The following PPP1R15B variants were observed in gnomAD, a reference collection of about 807,000 sequenced individuals.
The protein encoded by PPP1R15B is protein phosphatase 1 regulatory subunit 15B.
A neutral mutation model predicts 53.9 loss-of-function variants in PPP1R15B; 31 were observed. The observed-to-expected ratio is 0.58, with a 90% CI of 0.43 to 0.78. The LOEUF is 0.78. PPP1R15B is among the 30% of genes least tolerant of loss of function. The pLI is 0.00. For synonymous variants in PPP1R15B, 345 were observed against 329.1 expected (o/e 1.05, Z -0.52); for missense variants, 928 against 849.6 (o/e 1.09, Z -1.15).
In PPP1R15B at chr1:204,405,865, A is replaced by C. The variant is rs997022572; in HGVS notation, c.*227T>G. 5 of 1,288,478 alleles carry C rather than the reference A, an allele frequency of 3.9e-6. No homozygotes were observed. Among genetic ancestry groups the C allele is most frequent in the Non-Finnish European group, 4.9e-6 (5 of 1,015,306 alleles). 79.8% of individuals were successfully genotyped at this position (1,288,478 alleles called of 1,614,324 possible). On this transcript the variant is annotated 3_prime_UTR_variant, in exon 2 of 2. Coordinates refer to ENST00000367188, the MANE Select transcript of PPP1R15B (RefSeq NM_032833.5). The stretch of plus-strand genomic sequence containing the variant: ...TTAAAAGCACATCCAACTAAATCAA[A>C]AAAGGGAGGATTAGAAATCACACTA...
rs1393162869 is a variant in PPP1R15B at position 204,411,283 on chromosome 1, T to C, written c.129A>G (p.Glu43=). Residue 43 remains glutamate, a synonymous_variant, in exon 1 of 2, where the codon GAA becomes GAG. Coordinates refer to ENST00000367188, the MANE Select transcript of PPP1R15B (RefSeq NM_032833.5). Reference sequence around the variant, plus strand: ...AAAGCAGTGTGGGGTTCCCGGAGTTTTCCGGGCCAAGAGGCGTCGGGAACT... The same window carrying C: ...AAAGCAGTGTGGGGTTCCCGGAGTTCTCCGGGCCAAGAGGCGTCGGGAACT... ...SSKFPTPLGP[E]NSGNPTLLSS... 8 of 1,614,092 alleles carry C rather than the reference T, an allele frequency of 5.0e-6. No individual in the cohort carries two copies. The highest frequency in any genetic ancestry group is 1.7e-5 in the Admixed American group (1 of 60,008).
At position 204,405,567 on chromosome 1, in the gene PPP1R15B, A is replaced by G. The variant is rs996989931; in HGVS notation, c.*525T>C. ...ACAAAATAATGCACTTTAAGTTGGT[A>G]GCATACACAAGGTTATTTTTTAGCC... On this transcript the variant is annotated 3_prime_UTR_variant, in exon 2 of 2. Transcript: ENST00000367188. 3.2e-5 allele frequency: 31 copies of G among 980,036 alleles called. No individual in the cohort carries two copies. In the African/African-American group the frequency reaches 4.9e-4, roughly 16 times the overall value. The allele number at this position is 980,036 out of a possible 1,614,324, so 60.7% of individuals were successfully genotyped here.
At position 204,411,418 on chromosome 1, in the gene PPP1R15B, T is replaced by G. The variant is rs376632302; in HGVS notation, c.-7A>C. 7.5e-5 allele frequency: 121 copies of G among 1,609,568 alleles called. No individual in the cohort carries two copies. In the African/African-American group the frequency reaches 1.2e-3, roughly 16 times the overall value. On this transcript the variant is annotated 5_prime_UTR_variant, in exon 1 of 2. Coordinates refer to ENST00000367188, the MANE Select transcript of PPP1R15B (RefSeq NM_032833.5). ...CGCCTGTCCCCGGCTCCATCTCCTT[T>G]TTCTTGACAGTCTCTCAGGTAGGGC... is the stretch of plus-strand genomic sequence containing the variant.
downstream of PPP1R15B, among the ~76,000 whole-genome samples, chr1:204,398,762 C>A (rs750147887): frequency 3.9e-5 from 6 of 152,128 alleles, no homozygotes; most frequent in Non-Finnish European, 7.3e-5. Context: ...CACTAGAAAC[C>A]CAAAGCCAAT....
At chr1:204,402,085 G>A (rs550559044), downstream of PPP1R15B, among the ~76,000 whole-genome samples, 2 of 152,210 alleles carry the variant, frequency 1.3e-5, no homozygotes, top group South Asian at 4.1e-4. Flanking sequence ...ATATATTACT[G>A]GGGAATGGCA....
Position 204,410,983 on chromosome 1 carries a change from T to C in PPP1R15B, c.429A>G (p.Leu143=), listed in dbSNP as rs758184869. ...AGTATTGCCAGTGGATCCCCTCCTC[T>C]AGCCAATCAAGGGGACTGGTGACCG... ...DPSVTSPLDW[L]EEGIHWQYSP... The change falls in exon 1 of 2, where the codon CTA becomes CTG. Residue 143 remains leucine, a synonymous_variant. Transcript: ENST00000367188. The C allele has an allele frequency of 1.2e-6, 2 of 1,614,144 alleles. No individual in the cohort carries two copies. The highest frequency in any genetic ancestry group is 1.7e-6 in the Non-Finnish European group (2 of 1,180,008).
downstream of PPP1R15B, among the ~76,000 whole-genome samples, chr1:204,400,130 G>C (rs546400012): frequency 1.3e-5 from 2 of 151,528 alleles, no homozygotes; most frequent in Non-Finnish European, 2.9e-5. Flanking sequence ...CCAGCTACTC[G>C]AGAGGCTGAG....
In PPP1R15B at chr1:204,407,253, T is replaced by C. The variant is rs897002728; in HGVS notation, c.1921-940A>G. ...ATACAGAAGAGAAAAAGTTACTTAG[T>C]AAACAAAGTATAGCAAAATTAGTAT... On this transcript the variant is annotated intron_variant, in intron 1 of 1. Coordinates refer to ENST00000367188, the MANE Select transcript of PPP1R15B (RefSeq NM_032833.5). Among the ~76,000 whole-genome samples, 3 of 152,314 alleles carry C rather than the reference T, an allele frequency of 2.0e-5. 1 individual carries two copies. In the Middle Eastern group the frequency reaches 0.01, roughly 518 times the overall value.
rs529191707 is a variant in PPP1R15B, at chr1:204,409,365, A to G, written c.1920+127T>C. 15 of 1,012,650 alleles carry G rather than the reference A, an allele frequency of 1.5e-5. No individual in the cohort carries two copies. In the African/African-American group the frequency reaches 2.1e-4, roughly 14 times the overall value. The allele number at this position is 1,012,650 out of a possible 1,614,324, so 62.7% of individuals were successfully genotyped here. On this transcript the variant is annotated intron_variant, in intron 1 of 1. Transcript: ENST00000367188. ...GGTCATTTACATATTTCTCAATCCA[A>G]GTATATGAATTTAGAGGCCTTCCTC...
At position 204,410,983 on chromosome 1, in the gene PPP1R15B, T is replaced by G; in HGVS notation, c.429A>C (p.Leu143=). The G allele has an allele frequency of 6.2e-7, 1 of 1,614,144 alleles. No individual in the cohort carries two copies. Among genetic ancestry groups the G allele is most frequent in the Non-Finnish European group, 8.5e-7 (1 of 1,180,008 alleles). Residue 143 remains leucine (L), a synonymous_variant, in exon 1 of 2, where the codon CTA becomes CTC. Transcript: ENST00000367188. ...AGTATTGCCAGTGGATCCCCTCCTC[T>G]AGCCAATCAAGGGGACTGGTGACCG... ...DPSVTSPLDW[L]EEGIHWQYSP...
At position 204,410,126 on chromosome 1, in the gene PPP1R15B, A is replaced by C; in HGVS notation, c.1286T>G (p.Ile429Ser). 1.2e-6 allele frequency: 2 copies of C among 1,613,982 alleles called. No homozygotes were observed. The highest frequency in any genetic ancestry group is 1.7e-6 in the Non-Finnish European group (2 of 1,180,008). Residue 429 changes from isoleucine to serine, a missense_variant, in exon 1 of 2, where the codon ATT becomes AGT. Ile to Ser is a moderately radical substitution (Grantham distance 142, BLOSUM62 -2). Transcript: ENST00000367188. ...CAGGTCACTGGATGCACCTCCCAAA[A>C]TATAATCTATCAGTTTGTTACTACA... ...PACSNKLIDY[I>S]LGGASSDLET...
At chr1:204,397,354 T>C (rs949188289), downstream of PPP1R15B, among the ~76,000 whole-genome samples, 14 of 151,984 alleles carry the variant, frequency 9.2e-5, no homozygotes, top group African/African-American at 3.4e-4. Flanking sequence ...GGGTGAAACC[T>C]GTCTCTACTA....
chr1:204,407,505 A>T (rs1279694828), intron 1 of PPP1R15B, among the ~76,000 whole-genome samples: 1 of 152,232 alleles, frequency 6.6e-6, no homozygotes, highest in Non-Finnish European at 1.5e-5. Flanking sequence ...TTTAATAGTT[A>T]CATCAGCTAA....
chr1:204,395,951 C>T (rs1176044770), downstream of PPP1R15B, among the ~76,000 whole-genome samples: 1 of 151,926 alleles, frequency 6.6e-6, no homozygotes, highest in African/African-American at 2.4e-5. Context: ...TTTATCAAAA[C>T]TCATTGAATT....
At chr1:204,407,142 C>G (rs1198314694) in intron 1 of PPP1R15B, among the ~76,000 whole-genome samples, 1 of 152,148 alleles carries the variant, frequency 6.6e-6, no homozygotes, top group Non-Finnish European at 1.5e-5. Flanking sequence ...TACTTCTATT[C>G]TTTTTCCTTT....
Position 204,405,895 on chromosome 1 carries a change from A to T in PPP1R15B, c.*197T>A. 7.3e-7 allele frequency: 1 copy of T among 1,371,364 alleles called. No individual in the cohort carries two copies. Among genetic ancestry groups the T allele is most frequent in the Non-Finnish European group, 9.4e-7 (1 of 1,063,156 alleles). The allele number at this position is 1,371,364 out of a possible 1,614,324, so 84.9% of individuals were successfully genotyped here. ...GGAGGATTAGAAATCACACTAGTTC[A>T]TCCTTCATTATCAGGGCTGGCTTCA... On this transcript the variant is annotated 3_prime_UTR_variant, in exon 2 of 2. Transcript: ENST00000367188.
chr1:204,407,566 C>A (rs1472989199), intron 1 of PPP1R15B, among the ~76,000 whole-genome samples: 1 of 152,140 alleles, frequency 6.6e-6, no homozygotes, highest in East Asian at 1.9e-4. Context: ...CCAAGGGATG[C>A]CCCTGAGGAC....
chr1:204,406,142 T>C lies in PPP1R15B; in HGVS notation c.2092A>G (p.Arg698Gly), dbSNP rs1156460166. The C allele has an allele frequency of 1.2e-6, 2 of 1,614,068 alleles. No homozygotes were observed. The highest frequency in any genetic ancestry group is 2.7e-5 in the African/African-American group (2 of 74,932). Residue 698 changes from arginine to glycine, a missense_variant, in exon 2 of 2, where the codon AGA becomes GGA. By Grantham distance (125) the Arg-to-Gly change is moderately radical. Transcript: ENST00000367188. ...TFEHRERMFN[R>G]LQGTCFKGLN... ...CCTTTGAAGCATGTTCCCTGGAGTC[T>C]ATTAAACATTCTTTCTCTGTGTTCA... is the stretch of plus-strand genomic sequence containing the variant.
downstream of PPP1R15B, among the ~76,000 whole-genome samples, chr1:204,402,012 C>A (rs1279947729): frequency 6.6e-6 from 1 of 152,188 alleles, no homozygotes; most frequent in African/African-American, 2.4e-5. Context: ...AACACAATTT[C>A]TATGAAATAT....
Sources: allele counts gnomAD v4.1 joint callset (sites outside exome capture counted in the v4.1 genomes callset), GRCh38; gene constraint gnomAD v4.1.1; transcripts MANE v1.5; gene names NCBI Gene and HGNC (gene_info 2026-07-23, HGNC 2026-07-21).